The following FHIT variants were observed in gnomAD, a reference collection of about 807,000 sequenced individuals.
FHIT encodes the protein bis(5'-adenosyl)-triphosphatase.
FHIT carries 19 observed loss-of-function variants against 17.9 expected under a neutral mutation model. The observed-to-expected ratio is 1.06, with a 90% CI of 0.74 to 1.56. FHIT has a LOEUF of 1.56. FHIT is among the 40% of genes most tolerant of loss of function. FHIT has a pLI of 0.00. For synonymous variants in FHIT, 81 were observed against 69.7 expected (o/e 1.16, Z -0.81); for missense variants, 248 against 189.2 (o/e 1.31, Z -1.82).
chr3:60,712,558 C>T (rs544761891), intron 4 of FHIT, among the ~76,000 whole-genome samples: 8 of 151,636 alleles, frequency 5.3e-5, no homozygotes, highest in Non-Finnish European at 1.2e-4. Context: ...CACACATAGG[C>T]TCAAAATAAA....
chr3:61,137,845 T>C (rs181061056), intron 2 of FHIT, among the ~76,000 whole-genome samples: 19 of 152,300 alleles, frequency 1.2e-4, no homozygotes, highest in Admixed American at 1.2e-3. Flanking sequence ...TCTCTCCCCA[T>C]ACCCACCTCT....
intron 5 of FHIT, among the ~76,000 whole-genome samples, chr3:60,127,611 A>AT (rs765982159): frequency 1.1e-4 from 17 of 151,954 alleles, no homozygotes; most frequent in Non-Finnish European, 2.2e-4. Context: ...TTTTATATCT[A>AT]TTTTTTTGGA....
intron 5 of FHIT, among the ~76,000 whole-genome samples, chr3:60,461,180 T>C (rs1362844420): frequency 6.6e-6 from 1 of 152,200 alleles, no homozygotes. Flanking sequence ...AAAACTCTGA[T>C]TATTTTATCA....
At chr3:61,179,958 T>C (rs2038287927) in intron 2 of FHIT, among the ~76,000 whole-genome samples, 1 of 152,154 alleles carries the variant, frequency 6.6e-6, no homozygotes, top group Non-Finnish European at 1.5e-5. Context: ...TCCTATAGCA[T>C]GTTATGCTTC....
At chr3:60,800,528 G>C (rs1219714808) in intron 4 of FHIT, among the ~76,000 whole-genome samples, 1 of 152,152 alleles carries the variant, frequency 6.6e-6, no homozygotes, top group Non-Finnish European at 1.5e-5. Flanking sequence ...TTTGGGAAAA[G>C]AACCCTAGAT....
chr3:60,276,222 G>A (rs1164829053), intron 5 of FHIT, among the ~76,000 whole-genome samples: 2 of 152,044 alleles, frequency 1.3e-5, no homozygotes, highest in African/African-American at 4.8e-5. Flanking sequence ...TCCTGACCTC[G>A]TGATCCGCCT....
rs150478787 is a variant in FHIT at position 61,202,638 on chromosome 3, T to C, written c.-212-1973A>G. The stretch of plus-strand genomic sequence containing the variant: ...AAAAAGATAAATAAAAGCAAATGCA[T>C]ACTTTCATATATCAGAATGAAACCA... On this transcript the variant is annotated intron_variant, in intron 1 of 9. Transcript: ENST00000492590. Among the ~76,000 whole-genome samples the C allele has an allele frequency of 1.5e-3, 226 of 152,178 alleles. 1 individual carries two copies. The Middle Eastern group carries it at 0.024, about 16-fold the overall frequency.
At chr3:60,626,434 TTTAA>T (rs781797006) in intron 4 of FHIT, among the ~76,000 whole-genome samples, 2 of 152,198 alleles carry the variant, frequency 1.3e-5, no homozygotes, top group Admixed American at 1.3e-4. Flanking sequence ...TTTTGTTGCT[TTTAA>T]TTTATTCCCA....
chr3:60,545,312 A>C (rs2036324831), intron 4 of FHIT, among the ~76,000 whole-genome samples: 1 of 151,996 alleles, frequency 6.6e-6, no homozygotes, highest in African/African-American at 2.4e-5. Context: ...TAAATAATGA[A>C]CTTCTGGTTC....
chr3:59,816,690 C>G (rs1700611502), intron 8 of FHIT, among the ~76,000 whole-genome samples: 2 of 152,110 alleles, frequency 1.3e-5, no homozygotes, highest in Admixed American at 6.5e-5. Flanking sequence ...ATTTCTATTC[C>G]CTAAAGTTCC....
At chr3:60,117,751 T>G (rs1197848667) in intron 5 of FHIT, among the ~76,000 whole-genome samples, 1 of 151,356 alleles carries the variant, frequency 6.6e-6, no homozygotes, top group East Asian at 1.9e-4. Flanking sequence ...GCTGCAAGGG[T>G]AGATGATGAA....
chr3:60,012,130 G>A lies in FHIT; in HGVS notation c.250-730C>T, dbSNP rs113922625. On this transcript the variant is annotated intron_variant, in intron 6 of 9. Coordinates refer to ENST00000492590, the MANE Select transcript of FHIT (RefSeq NM_002012.4). ...CCTGACTAACGGGGTGAGAACTCCC[G>A]CCGTAAGGATTAAGCATAACTGTGT... is the stretch of plus-strand genomic sequence containing the variant. Among the ~76,000 whole-genome samples the A allele has an allele frequency of 1.5e-3, 221 of 152,164 alleles. 2 individuals are homozygous for A. Among genetic ancestry groups the A allele is most frequent in the African/African-American group, 4.1e-3 (172 of 41,504 alleles).
chr3:60,507,507 A>T (rs964256219), intron 5 of FHIT, among the ~76,000 whole-genome samples: 21 of 152,326 alleles, frequency 1.4e-4, no homozygotes, highest in Middle Eastern at 3.4e-3. Flanking sequence ...TTACAACAAC[A>T]ACAGCAGCAA....
At chr3:60,749,304 CG>C (rs1399056293) in intron 4 of FHIT, among the ~76,000 whole-genome samples, 1 of 105,966 alleles carries the variant, frequency 9.4e-6, no homozygotes, top group Non-Finnish European at 1.9e-5. Context: ...AGCTCTGAGA[CG>C]GTTTTTTTTC....
chr3:60,393,461 T>C (rs1016139966), intron 5 of FHIT, among the ~76,000 whole-genome samples: 2 of 150,548 alleles, frequency 1.3e-5, no homozygotes, highest in African/African-American at 2.4e-5. Context: ...ATATATAAAT[T>C]TGCATGTAAT....
At chr3:60,657,856 T>A (rs1261135674) in intron 4 of FHIT, among the ~76,000 whole-genome samples, 1 of 152,180 alleles carries the variant, frequency 6.6e-6, no homozygotes, top group East Asian at 1.9e-4. Context: ...TAACAATGTA[T>A]CCAATTTTCC....
At chr3:60,537,986 C>A (rs1042840870) in intron 4 of FHIT, among the ~76,000 whole-genome samples, 13 of 134,548 alleles carry the variant, frequency 9.7e-5, no homozygotes, top group African/African-American at 3.7e-4. Flanking sequence ...TGGTTTTCAA[C>A]CCCATTTCCT....
chr3:60,443,803 CA>C (rs1331538639), intron 5 of FHIT, among the ~76,000 whole-genome samples: 1 of 152,064 alleles, frequency 6.6e-6, no homozygotes, highest in Non-Finnish European at 1.5e-5. Flanking sequence ...ATGTCTAAAA[CA>C]CCAAAAGCAA....
intron 5 of FHIT, among the ~76,000 whole-genome samples, chr3:60,160,004 C>T (rs1700868014): frequency 6.6e-6 from 1 of 152,116 alleles, no homozygotes; most frequent in Non-Finnish European, 1.5e-5. Flanking sequence ...TAGGATAAGA[C>T]TTAAAACTAA....
Sources: gnomAD v4.1 joint callset for allele counts (sites outside exome capture counted in the v4.1 genomes callset) on GRCh38, gnomAD v4.1.1 for gene constraint, MANE v1.5 for transcripts, NCBI Gene and HGNC (gene_info 2026-07-23, HGNC 2026-07-21) for gene names.